The following RASSF2 variants were observed in gnomAD, a reference collection of about 807,000 sequenced individuals.
RASSF2 encodes the protein ras association domain-containing protein 2.
In RASSF2, 34 loss-of-function variants were observed where a neutral mutation model predicts 46.3. The observed-to-expected ratio is 0.73, with a 90% confidence interval of 0.56 to 0.98. The LOEUF is 0.98. Ranked by LOEUF, RASSF2 falls within the 50% of genes least tolerant of loss-of-function variation. RASSF2 has a pLI of 0.00. For synonymous variants in RASSF2, 158 were observed against 162.5 expected (o/e 0.97, Z 0.21); for missense variants, 364 against 431.2 (o/e 0.84, Z 1.38).
chr20:4,790,192 G>A lies in RASSF2; in HGVS notation c.537+259C>T, dbSNP rs1284121183. Among the ~76,000 whole-genome samples the A allele has an allele frequency of 1.3e-5, 2 of 152,204 alleles. No homozygotes were observed. The highest frequency in any genetic ancestry group is 3.9e-4 in the East Asian group (2 of 5,188). ...ATGGGGTCTTCAAGGCTACAGCAGGGACTGCTTTGTACAGCCCCACTGAAT... is the reference window on the plus strand; with the variant it reads ...ATGGGGTCTTCAAGGCTACAGCAGGAACTGCTTTGTACAGCCCCACTGAAT... On this transcript the variant is annotated intron_variant, in intron 7 of 11. Coordinates refer to ENST00000379400, the MANE Select transcript of RASSF2 (RefSeq NM_014737.3). This position sits in a 1 kb window ranked among gnomAD's most constrained non-coding sequence, Gnocchi z 4.3.
chr20:4,796,023 C>T, intron 4 of RASSF2, 57 bp from the exon 5 acceptor site: 1 of 1,444,000 alleles, frequency 6.9e-7, no homozygotes. Context: ...GAAGCCAAGA[C>T]CATGCTGAGG....
At chr20:4,798,118 A>G (rs774068145) in intron 3 of RASSF2, 33 bp from the exon 4 acceptor site, 2 of 1,611,618 alleles carry the variant, frequency 1.2e-6, no homozygotes, top group Non-Finnish European at 1.7e-6. Context: ...ATATAACATT[A>G]TCAGCTGAAG....
chr20:4,813,587 T>A (rs1928030789), intron 2 of RASSF2, among the ~76,000 whole-genome samples: 1 of 152,226 alleles, frequency 6.6e-6, no homozygotes, highest in Non-Finnish European at 1.5e-5. Context: ...CCCACTGGCA[T>A]CCACAAGTGC....
At chr20:4,819,731 A>C (rs927230114) in intron 2 of RASSF2, among the ~76,000 whole-genome samples, 6 of 152,362 alleles carry the variant, frequency 3.9e-5, no homozygotes, top group Non-Finnish European at 7.3e-5. Flanking sequence ...CTGAATGCCA[A>C]CTACGGTTAA....
At chr20:4,814,595 GC>G (rs1437481000) in intron 2 of RASSF2, among the ~76,000 whole-genome samples, 1 of 152,158 alleles carries the variant, frequency 6.6e-6, no homozygotes, top group Non-Finnish European at 1.5e-5. Flanking sequence ...GACTTGAAAA[GC>G]AGTGAGTGGG....
chr20:4,795,613 G>T lies in RASSF2; in HGVS notation c.287+202C>A. The T allele has an allele frequency of 3.8e-6, 2 of 532,116 alleles. No individual in the cohort carries two copies. The highest frequency in any genetic ancestry group is 6.4e-6 in the Non-Finnish European group (2 of 310,682). 33.0% of individuals were successfully genotyped at this position (532,116 alleles called of 1,614,324 possible). A position where few individuals can be genotyped will look rare whatever the true frequency, so the allele number is the denominator to read the frequency against. On this transcript the variant is annotated intron_variant, in intron 5 of 11. Transcript: ENST00000379400. This position sits in a 1 kb window ranked among gnomAD's most constrained non-coding sequence, Gnocchi z 4.0. ...CCCTCCTGTGACCTCATCAGTGATT[G>T]CAGTGACAGGAAGGGGGCTCAATCA...
At chr20:4,806,632 G>C (rs1601121625) in intron 2 of RASSF2, among the ~76,000 whole-genome samples, 2 of 152,218 alleles carry the variant, frequency 1.3e-5, no homozygotes, top group East Asian at 1.9e-4. Context: ...TTCTTTTATA[G>C]AGACAGGGTC....
rs529724308 is a variant in RASSF2 at position 4,812,084 on chromosome 20, G to C, written c.-33+10245C>G. On this transcript the variant is annotated intron_variant, in intron 2 of 11. Coordinates refer to ENST00000379400, the MANE Select transcript of RASSF2 (RefSeq NM_014737.3). The surrounding 1 kb of genome is among the most constrained non-coding windows in gnomAD (Gnocchi z 4.0). ...AAACCCCAGCCCCATTGCACCACAC[G>C]AGGAAGGAGACTTGAGCTGCGGGCT... 6.6e-6 allele frequency among the ~76,000 whole-genome samples: 1 copy of C among 152,188 alleles called. No individual in the cohort carries two copies. Among genetic ancestry groups the C allele is most frequent in the African/African-American group, 2.4e-5 (1 of 41,450 alleles).
At chr20:4,792,932 A>G in intron 5 of RASSF2, 1 of 398,650 alleles carries the variant, frequency 2.5e-6, no homozygotes, top group South Asian at 3.0e-5. Flanking sequence ...GGATAATACC[A>G]AGGAACAAAA....
At chr20:4,803,300 G>T (rs1927048257) in intron 2 of RASSF2, among the ~76,000 whole-genome samples, 1 of 152,108 alleles carries the variant, frequency 6.6e-6, no homozygotes, top group African/African-American at 2.4e-5. Flanking sequence ...CTGGAAGAAG[G>T]ATCCACGACC....
intron 5 of RASSF2, among the ~76,000 whole-genome samples, chr20:4,793,964 A>T (rs1926120169): frequency 6.6e-6 from 1 of 152,226 alleles, no homozygotes; most frequent in Non-Finnish European, 1.5e-5. Flanking sequence ...AGCCCAAACC[A>T]AAGGCCACAG....
chr20:4,816,655 A>G (rs1019666655), intron 2 of RASSF2, among the ~76,000 whole-genome samples: 2 of 152,236 alleles, frequency 1.3e-5, no homozygotes, highest in Admixed American at 6.5e-5. Context: ...CATAAAAATA[A>G]ATTATTACAT....
At chr20:4,798,456 C>G (rs544284186) in intron 3 of RASSF2, among the ~76,000 whole-genome samples, 9 of 152,284 alleles carry the variant, frequency 5.9e-5, no homozygotes, top group African/African-American at 2.2e-4. Context: ...CAGCGATTCT[C>G]CTGCATGGCT....
intron 6 of RASSF2, among the ~76,000 whole-genome samples, chr20:4,791,063 T>C (rs559934473): frequency 1.3e-5 from 2 of 152,300 alleles, no homozygotes; most frequent in Non-Finnish European, 2.9e-5. Context: ...TGAACCTTGA[T>C]GACATTATGC....
chr20:4,795,040 G>A lies in RASSF2; in HGVS notation c.287+775C>T, dbSNP rs1926219709. On this transcript the variant is annotated intron_variant, in intron 5 of 11. Transcript: ENST00000379400. This position sits in a 1 kb window ranked among gnomAD's most constrained non-coding sequence, Gnocchi z 4.0. ...GAGGCGAGCACACTCCACCCAGGCT[G>A]GGGCCGAAGGCAGTCAGCATCAGCA... Among the ~76,000 whole-genome samples, 2 of 152,226 alleles carry A rather than the reference G, an allele frequency of 1.3e-5. No homozygotes were observed. The highest frequency in any genetic ancestry group is 1.5e-5 in the Non-Finnish European group (1 of 68,034).
rs527672785 is a variant in RASSF2 at position 4,789,475 on chromosome 20, G to A, written c.639+121C>T. The A allele has an allele frequency of 1.2e-4, 88 of 745,818 alleles. 1 individual carries two copies. The East Asian group carries it at 2.1e-3, about 18-fold the overall frequency. The allele number at this position is 745,818 out of a possible 1,614,324, so 46.2% of individuals were successfully genotyped here. A position where few individuals can be genotyped will look rare whatever the true frequency, so the allele number is the denominator to read the frequency against. ...CTGGATCGTGAGGATCTAAAGAACC[G>A]AAGCCCTCTGCTCAGCATCCCACAA... On this transcript the variant is annotated intron_variant, in intron 8 of 11. Transcript: ENST00000379400.
chr20:4,801,345 T>A (rs1568573113), intron 2 of RASSF2, among the ~76,000 whole-genome samples: 1 of 152,172 alleles, frequency 6.6e-6, no homozygotes, highest in Non-Finnish European at 1.5e-5. Context: ...ACAGCCACAT[T>A]GGTTCCAAGG....
intron 2 of RASSF2, among the ~76,000 whole-genome samples, 192 bp from the exon 3 acceptor site, chr20:4,801,254 C>G (rs966072816): frequency 3.3e-5 from 5 of 152,180 alleles, no homozygotes; most frequent in Non-Finnish European, 5.9e-5. Flanking sequence ...CTTGCCACAG[C>G]CTCTGAGAAC....
At chr20:4,800,110 TAAA>T (rs34035434) in intron 3 of RASSF2, among the ~76,000 whole-genome samples, 1 of 140,730 alleles carries the variant, frequency 7.1e-6, no homozygotes. Flanking sequence ...AGAGTCCTTC[TAAA>T]AAAAAAAAAA....
Sources: allele counts gnomAD v4.1 joint callset (sites outside exome capture counted in the v4.1 genomes callset), GRCh38; gene constraint gnomAD v4.1.1; non-coding constraint Gnocchi (gnomAD v3.1); transcripts MANE v1.5; gene names NCBI Gene and HGNC (gene_info 2026-07-23, HGNC 2026-07-21).